OR6B2: variants seen among roughly 807,000 people sequenced by gnomAD.
OR6B2 encodes olfactory receptor 6B2.
For missense variants in OR6B2, 275 were observed against 386.8 expected (o/e 0.71, Z 2.42); for synonymous variants, 155 against 171.5 (o/e 0.90, Z 0.75).
rs1429451225 is a variant in OR6B2, at chr2:240,030,425, C to T, written c.5G>A (p.Ser2Asn). Reference sequence around the variant, plus strand: ...GCTGACCTTGGTGACATTCTCCCCACTCATGCCTCTGTGCTTGGGAGCTGC... The same window carrying T: ...GCTGACCTTGGTGACATTCTCCCCATTCATGCCTCTGTGCTTGGGAGCTGC... M[S>N]GENVTKVSTF... Residue 2 changes from serine (S) to asparagine (N), a missense_variant, in exon 1 of 1, where the codon AGT (serine) becomes AAT (asparagine). Physicochemically the swap from Ser to Asn is conservative, Grantham distance 46 (BLOSUM62 1). Coordinates refer to ENST00000319423, the MANE Select transcript of OR6B2 (RefSeq NM_001005853.1). 5 of 1,606,896 alleles carry T rather than the reference C, an allele frequency of 3.1e-6. No individual in the cohort carries two copies. The highest frequency in any genetic ancestry group is 1.7e-4 in the Middle Eastern group (1 of 5,942).
chr2:240,029,860 C>A lies in OR6B2; in HGVS notation c.570G>T (p.Thr190=), dbSNP rs766500820. ...CCACCAGCTCTGCAGTGGAGAAGTC[C>A]GTGCAGGCCAGCTTGAGGATGGGGG... ...DISPILKLAC[T]DFSTAELVDF... The change falls in exon 1 of 1, where the codon ACG becomes ACT. Residue 190 remains threonine, a synonymous_variant. Coordinates refer to ENST00000319423, the MANE Select transcript of OR6B2 (RefSeq NM_001005853.1). The surrounding 1 kb of genome is among the most constrained non-coding windows in gnomAD (Gnocchi z 5.2). The A allele has an allele frequency of 1.0e-5, 16 of 1,605,940 alleles. No homozygotes were observed. The highest frequency in any genetic ancestry group is 1.3e-5 in the Non-Finnish European group (15 of 1,172,674).
In OR6B2 at chr2:240,030,091, C is replaced by T. The variant is rs1697967966; in HGVS notation, c.339G>A (p.Val113=). Residue 113 remains valine, a synonymous_variant, in exon 1 of 1, where the codon GTG becomes GTA. Coordinates refer to ENST00000319423, the MANE Select transcript of OR6B2 (RefSeq NM_001005853.1). ...GGTCGTAGGCCATGGAGGCCAGAAG[C>T]ACACACTCGGTGCACACCAGGGAGC... ...FFSSLVCTEC[V]LLASMAYDRY... The T allele has an allele frequency of 6.7e-7, 1 of 1,488,252 alleles. No individual in the cohort carries two copies. Among genetic ancestry groups the T allele is most frequent in the Non-Finnish European group, 9.4e-7 (1 of 1,065,506 alleles). The allele number at this position is 1,488,252 out of a possible 1,614,324, so 92.2% of individuals were successfully genotyped here.
rs1447468477 is a variant in OR6B2 at position 240,030,121 on chromosome 2, G to A, written c.309C>T (p.Phe103=). The A allele has an allele frequency of 1.3e-6, 2 of 1,539,320 alleles. No homozygotes were observed. Among genetic ancestry groups the A allele is most frequent in the Non-Finnish European group, 1.8e-6 (2 of 1,112,108 alleles). Residue 103 remains phenylalanine, a synonymous_variant, in exon 1 of 1, where the codon TTC becomes TTT. Transcript: ENST00000319423. ...ACTCGGTGCACACCAGGGAGCTGAA[G>A]AAGTAGAGCTGCGTCATGCACCCGA... ...SFVGCMTQLY[F]FSSLVCTECV...
At position 240,029,713 on chromosome 2, in the gene OR6B2, A is replaced by G. The variant is rs779775365; in HGVS notation, c.717T>C (p.Ser239=). The G allele has an allele frequency of 1.1e-4, 179 of 1,613,812 alleles. No individual in the cohort carries two copies. The highest frequency in any genetic ancestry group is 9.9e-4 in the Middle Eastern group (6 of 6,058). The part of the protein sequence containing the change: ...PSATGCWRAF[S]TCASHLTVVT... ...CCACGGTGAGGTGAGAGGCGCAGGTAGAGAAGGCTCTCCAGCAGCCGGTGG... is the reference window on the plus strand; with the variant it reads ...CCACGGTGAGGTGAGAGGCGCAGGTGGAGAAGGCTCTCCAGCAGCCGGTGG... The change falls in exon 1 of 1, where the codon TCT becomes TCC. Residue 239 remains serine (S), a synonymous_variant. Coordinates refer to ENST00000319423, the MANE Select transcript of OR6B2 (RefSeq NM_001005853.1). The surrounding 1 kb of genome is among the most constrained non-coding windows in gnomAD (Gnocchi z 5.2).
Position 240,029,711 on chromosome 2 carries a change from G to T in OR6B2, c.719C>A (p.Thr240Asn), listed in dbSNP as rs756074331. ...SATGCWRAFS[T>N]CASHLTVVTV... Reference sequence around the variant, plus strand: ...GACCACGGTGAGGTGAGAGGCGCAGGTAGAGAAGGCTCTCCAGCAGCCGGT... The same window carrying T: ...GACCACGGTGAGGTGAGAGGCGCAGTTAGAGAAGGCTCTCCAGCAGCCGGT... Residue 240 changes from threonine to asparagine, a missense_variant, in exon 1 of 1, where the codon ACC (threonine) becomes AAC (asparagine). Transcript: ENST00000319423. The surrounding 1 kb of genome is among the most constrained non-coding windows in gnomAD (Gnocchi z 5.2). 4 of 1,613,758 alleles carry T rather than the reference G, an allele frequency of 2.5e-6. No homozygotes were observed. The highest frequency in any genetic ancestry group is 3.4e-6 in the Non-Finnish European group (4 of 1,179,632).
rs1477066094 is a variant in OR6B2, at chr2:240,029,704, G to C, written c.726C>G (p.Ala242=). 4.3e-6 allele frequency: 7 copies of C among 1,613,960 alleles called. No homozygotes were observed. The South Asian group carries it at 7.7e-5, about 18-fold the overall frequency. The part of the protein sequence containing the change: ...TGCWRAFSTC[A]SHLTVVTVFY... ...AGACGGTGACCACGGTGAGGTGAGA[G>C]GCGCAGGTAGAGAAGGCTCTCCAGC... Residue 242 remains alanine, a synonymous_variant, in exon 1 of 1, where the codon GCC becomes GCG. Transcript: ENST00000319423. This position sits in a 1 kb window ranked among gnomAD's most constrained non-coding sequence, Gnocchi z 5.2.
At position 240,030,382 on chromosome 2, in the gene OR6B2, G is replaced by C; in HGVS notation, c.48C>G (p.Gly16=). The change falls in exon 1 of 1, where the codon GGC becomes GGG. Residue 16 remains glycine (G), a synonymous_variant. Transcript: ENST00000319423. ...VTKVSTFILV[G]LPTAPGLQYL... Reference sequence around the variant, plus strand: ...ACTGCAGCCCTGGGGCCGTGGGGAGGCCCACCAGGATGAAGGTGCTGACCT... The same window carrying C: ...ACTGCAGCCCTGGGGCCGTGGGGAGCCCCACCAGGATGAAGGTGCTGACCT... 6.2e-7 allele frequency: 1 copy of C among 1,608,458 alleles called. No homozygotes were observed. Among genetic ancestry groups the C allele is most frequent in the Non-Finnish European group, 8.5e-7 (1 of 1,174,854 alleles).
chr2:240,030,278 C>T lies in OR6B2; in HGVS notation c.152G>A (p.Ser51Asn), dbSNP rs770780653. The change falls in exon 1 of 1, where the codon AGC (serine) becomes AAC (asparagine). Residue 51 changes from serine (S) to asparagine (N), a missense_variant. Physicochemically the swap from Ser to Asn is conservative, Grantham distance 46 (BLOSUM62 1). Coordinates refer to ENST00000319423, the MANE Select transcript of OR6B2 (RefSeq NM_001005853.1). ...CATGGGCCTGTGGAGGGAGGTGCTG[C>T]TCCAGACGATGAGGATGATGGCCAG... is the stretch of plus-strand genomic sequence containing the variant. ...ENLAIILIVW[S>N]STSLHRPMYY... is the part of the protein sequence containing the mutation. 1.2e-6 allele frequency: 2 copies of T among 1,613,916 alleles called. No homozygotes were observed. Among genetic ancestry groups the T allele is most frequent in the East Asian group, 4.5e-5 (2 of 44,876 alleles).
rs1348381746 is a variant in OR6B2 at position 240,030,343 on chromosome 2, G to T, written c.87C>A (p.Leu29=). The T allele has an allele frequency of 1.2e-6, 2 of 1,612,826 alleles. No homozygotes were observed. The highest frequency in any genetic ancestry group is 1.7e-6 in the Non-Finnish European group (2 of 1,178,902). ...CAAAGAGGTAGGTGAGCAGGAAGAG[G>T]AGGAAGAGCAGGTACTGCAGCCCTG... ...TAPGLQYLLF[L]LFLLTYLFVL... Residue 29 remains leucine, a synonymous_variant, in exon 1 of 1, where the codon CTC becomes CTA. Transcript: ENST00000319423.
rs1334084576 is a variant in OR6B2 at position 240,029,653 on chromosome 2, A to T, written c.777T>A (p.Tyr259Ter). ...GGGAATCAATGGCTTGGGGCCGGAC[A>T]TACATGAAAAGCAAGGCTGTATAGA... ...TVFYTALLFM[Y>*]VRPQAIDSQS... The change falls in exon 1 of 1, where the codon TAT becomes TAA. Residue 259 changes from tyrosine (Y) to a stop codon, truncating the protein, a stop_gained. Transcript: ENST00000319423. LOFTEE classifies it low-confidence loss of function (END_TRUNC). This position sits in a 1 kb window ranked among gnomAD's most constrained non-coding sequence, Gnocchi z 5.2. 1 of 1,606,860 alleles carries T rather than the reference A, an allele frequency of 6.2e-7. No individual in the cohort carries two copies. Among genetic ancestry groups the T allele is most frequent in the East Asian group, 2.2e-5 (1 of 44,856 alleles).
rs985603602 is a variant in OR6B2 at position 240,030,373 on chromosome 2, CGTGGGGAG to C, written c.49_56del (p.Leu17GlyfsTer57). 6.2e-7 allele frequency: 1 copy of C among 1,608,570 alleles called. No individual in the cohort carries two copies. The highest frequency in any genetic ancestry group is 8.5e-7 in the Non-Finnish European group (1 of 1,175,134). On this transcript the variant is annotated frameshift_variant, in exon 1 of 1. Coordinates refer to ENST00000319423, the MANE Select transcript of OR6B2 (RefSeq NM_001005853.1). LOFTEE classifies it low-confidence loss of function (END_TRUNC). The stretch of plus-strand genomic sequence containing the variant: ...AGAGCAGGTACTGCAGCCCTGGGGC[CGTGGGGAG>C]GCCCACCAGGATGAAGGTGCTGACC...
At position 240,030,361 on chromosome 2, in the gene OR6B2, C is replaced by T. The variant is rs745484824; in HGVS notation, c.69G>A (p.Leu23=). 6.2e-7 allele frequency: 1 copy of T among 1,609,296 alleles called. No homozygotes were observed. Among genetic ancestry groups the T allele is most frequent in the Non-Finnish European group, 8.5e-7 (1 of 1,175,658 alleles). The change falls in exon 1 of 1, where the codon CTG becomes CTA. Residue 23 remains leucine, a synonymous_variant. Coordinates refer to ENST00000319423, the MANE Select transcript of OR6B2 (RefSeq NM_001005853.1). ...GGAAGAGGAGGAAGAGCAGGTACTG[C>T]AGCCCTGGGGCCGTGGGGAGGCCCA... is the stretch of plus-strand genomic sequence containing the variant. ...ILVGLPTAPG[L]QYLLFLLFLL...
rs764786961 is a variant in OR6B2 at position 240,030,217 on chromosome 2, G to C, written c.213C>G (p.Ile71Met). ...TGGGGGTGATGTCAGACACGTACCA[G>C]ATCTCCAGGAAAGACATGGAGCTCA... ...YFLSSMSFLE[I>M]WYVSDITPKM... The change falls in exon 1 of 1, where the codon ATC (isoleucine) becomes ATG (methionine). Residue 71 changes from isoleucine to methionine, a missense_variant. Physicochemically the swap from Ile to Met is conservative, Grantham distance 10. Coordinates refer to ENST00000319423, the MANE Select transcript of OR6B2 (RefSeq NM_001005853.1). The C allele has an allele frequency of 1.2e-6, 2 of 1,613,630 alleles. No individual in the cohort carries two copies. The highest frequency in any genetic ancestry group is 2.2e-5 in the South Asian group (2 of 91,066).
rs766500820 is a variant in OR6B2, at chr2:240,029,860, C to T, written c.570G>A (p.Thr190=). The change falls in exon 1 of 1, where the codon ACG becomes ACA. Residue 190 remains threonine (T), a synonymous_variant. Coordinates refer to ENST00000319423, the MANE Select transcript of OR6B2 (RefSeq NM_001005853.1). This position sits in a 1 kb window ranked among gnomAD's most constrained non-coding sequence, Gnocchi z 5.2. ...CCACCAGCTCTGCAGTGGAGAAGTCCGTGCAGGCCAGCTTGAGGATGGGGG... is the reference window on the plus strand; with the variant it reads ...CCACCAGCTCTGCAGTGGAGAAGTCTGTGCAGGCCAGCTTGAGGATGGGGG... The part of the protein sequence containing the change: ...DISPILKLAC[T]DFSTAELVDF... The T allele has an allele frequency of 1.5e-5, 24 of 1,605,822 alleles. No individual in the cohort carries two copies. Among genetic ancestry groups the T allele is most frequent in the Admixed American group, 3.3e-5 (2 of 59,964 alleles).
chr2:240,029,695 G>C lies in OR6B2; in HGVS notation c.735C>G (p.Leu245=), dbSNP rs1183150911. The C allele has an allele frequency of 1.2e-6, 2 of 1,613,942 alleles. No individual in the cohort carries two copies. The highest frequency in any genetic ancestry group is 1.7e-6 in the Non-Finnish European group (2 of 1,179,784). The part of the protein sequence containing the change: ...WRAFSTCASH[L]TVVTVFYTAL... ...CTGTATAGAAGACGGTGACCACGGT[G>C]AGGTGAGAGGCGCAGGTAGAGAAGG... Residue 245 remains leucine (L), a synonymous_variant, in exon 1 of 1, where the codon CTC becomes CTG. Coordinates refer to ENST00000319423, the MANE Select transcript of OR6B2 (RefSeq NM_001005853.1). This position sits in a 1 kb window ranked among gnomAD's most constrained non-coding sequence, Gnocchi z 5.2.
Position 240,029,779 on chromosome 2 carries a change from T to A in OR6B2, c.651A>T (p.Ser217=), listed in dbSNP as rs200922510. The A allele has an allele frequency of 1.4e-3, 2,319 of 1,610,036 alleles. 6 individuals are homozygous for A. Among genetic ancestry groups the A allele is most frequent in the Middle Eastern group, 2.5e-3 (15 of 6,050 alleles). The change falls in exon 1 of 1, where the codon TCA becomes TCT. Residue 217 remains serine (S), a synonymous_variant. Transcript: ENST00000319423. This position sits in a 1 kb window ranked among gnomAD's most constrained non-coding sequence, Gnocchi z 5.2. Reference sequence around the variant, plus strand: ...GGACAGCCAGGGTGATGTGCCAATATGACAGTATGGTGGCCAGGAGCGGAA... The same window carrying A: ...GGACAGCCAGGGTGATGTGCCAATAAGACAGTATGGTGGCCAGGAGCGGAA... ...LVFPLLATIL[S]YWHITLAVLR...
In OR6B2 at chr2:240,029,614, C is replaced by T; in HGVS notation, c.816G>A (p.Lys272=). The T allele has an allele frequency of 7.3e-7, 1 of 1,366,126 alleles. No individual in the cohort carries two copies. The highest frequency in any genetic ancestry group is 1.0e-6 in the Non-Finnish European group (1 of 953,548). 84.6% of individuals were successfully genotyped at this position (1,366,126 alleles called of 1,614,324 possible). A position where few individuals can be genotyped will look rare whatever the true frequency, so the allele number is the denominator to read the frequency against. The change falls in exon 1 of 1, where the codon AAG becomes AAA. Residue 272 remains lysine (K), a synonymous_variant. Coordinates refer to ENST00000319423, the MANE Select transcript of OR6B2 (RefSeq NM_001005853.1). This position sits in a 1 kb window ranked among gnomAD's most constrained non-coding sequence, Gnocchi z 5.2. ...PQAIDSQSSN[K]LISAVYTVVT... ...CAACAGTGTACACGGCAGAGATGAG[C>T]TTGTTGGAGCTCTGGGAATCAATGG...
At position 240,030,304 on chromosome 2, in the gene OR6B2, G is replaced by C. The variant is rs780610468; in HGVS notation, c.126C>G (p.Asn42Lys). The change falls in exon 1 of 1, where the codon AAC (asparagine) becomes AAG (lysine). Residue 42 changes from asparagine to lysine, a missense_variant. Physicochemically the swap from Asn to Lys is moderately conservative, Grantham distance 94. Coordinates refer to ENST00000319423, the MANE Select transcript of OR6B2 (RefSeq NM_001005853.1). ...LLTYLFVLVE[N>K]LAIILIVWSS... is the part of the protein sequence containing the mutation. ...TCCAGACGATGAGGATGATGGCCAG[G>C]TTCTCCACCAGGACAAAGAGGTAGG... 6.2e-6 allele frequency: 10 copies of C among 1,613,780 alleles called. No homozygotes were observed. The highest frequency in any genetic ancestry group is 2.2e-5 in the East Asian group (1 of 44,894).
At position 240,029,525 on chromosome 2, in the gene OR6B2, T is replaced by G. The variant is rs1697957271; in HGVS notation, c.905A>C (p.Lys302Thr). The change falls in exon 1 of 1, where the codon AAA becomes ACA. Residue 302 changes from lysine (K) to threonine (T), a missense_variant. Coordinates refer to ENST00000319423, the MANE Select transcript of OR6B2 (RefSeq NM_001005853.1). This position sits in a 1 kb window ranked among gnomAD's most constrained non-coding sequence, Gnocchi z 5.2. ...AGTTTGACCCAAGCCCAAGGCCTTTTTCAAGGCGTCCTTAAATTCCTTGTT... is the reference window on the plus strand; with the variant it reads ...AGTTTGACCCAAGCCCAAGGCCTTTGTCAAGGCGTCCTTAAATTCCTTGTT... Reference protein sequence around the residue: ...LRNKEFKDALKKALGLGQTSH With the variant: ...LRNKEFKDALTKALGLGQTSH 2.4e-6 allele frequency: 2 copies of G among 845,390 alleles called. No individual in the cohort carries two copies. Among genetic ancestry groups the G allele is most frequent in the Non-Finnish European group, 4.2e-6 (2 of 479,370 alleles). 52.4% of individuals were successfully genotyped at this position (845,390 alleles called of 1,614,324 possible).
Sources: gnomAD v4.1 joint callset for allele counts on GRCh38, gnomAD v4.1.1 for gene constraint, Gnocchi (gnomAD v3.1) non-coding constraint, MANE v1.5 for transcripts, NCBI Gene and HGNC (gene_info 2026-07-23, HGNC 2026-07-21) for gene names.